Variants in RIPK1 observed in about 807,000 individuals in gnomAD.
The protein encoded by RIPK1 is receptor interacting serine/threonine kinase 1.
In RIPK1, 27 loss-of-function variants were observed where a neutral mutation model predicts 62.4. The observed-to-expected ratio is 0.43, with a 90% CI of 0.32 to 0.60. RIPK1 has a LOEUF of 0.60. Ranked by LOEUF, RIPK1 falls within the 20% of genes least tolerant of loss-of-function variation. The probability of loss-of-function intolerance (pLI) is 0.07; values close to 1 mark genes in which losing one functional copy is unlikely to be tolerated. For missense variants in RIPK1, 735 were observed against 831.0 expected (o/e 0.88, Z 1.42); for synonymous variants, 287 against 303.2 (o/e 0.95, Z 0.55).
intron 7 of RIPK1, among the ~76,000 whole-genome samples, chr6:3,099,028 A>C (rs1384173462): frequency 1.3e-5 from 2 of 152,248 alleles, no homozygotes; most frequent in Non-Finnish European, 2.9e-5. Context: ...ACAGGGCAGC[A>C]AATCCCTCCT....
upstream of RIPK1, among the ~76,000 whole-genome samples, chr6:3,066,029 TTTTTTA>T (rs1369016797): frequency 1.1e-4 from 16 of 151,514 alleles, no homozygotes; most frequent in Admixed American, 1.1e-3. Flanking sequence ...GAACGTGGAG[TTTTTTA>T]TTTTTTATTG....
In RIPK1 at chr6:3,084,617, CAG is replaced by C. The variant is rs952853959; in HGVS notation, c.689-639_689-638del. ...TTTTTTTTTTTTTTTTCCCGTGAGA[CAG>C]AGTCTCATTCTGTCGCCAGGTTGGA... On this transcript the variant is annotated intron_variant, in intron 5 of 10. Coordinates refer to ENST00000259808, the MANE Select transcript of RIPK1 (RefSeq NM_001354930.2). Among the ~76,000 whole-genome samples the C allele has an allele frequency of 8.7e-5, 12 of 138,176 alleles. 1 individual carries two copies. The highest frequency in any genetic ancestry group is 3.0e-4 in the African/African-American group (11 of 36,530). The allele number at this position is 138,176 out of a possible 152,430, so 90.6% of individuals were successfully genotyped here. A position where few individuals can be genotyped will look rare whatever the true frequency, so the allele number is the denominator to read the frequency against.
Position 3,113,150 on chromosome 6 carries a change from G to A in RIPK1, c.1827G>A (p.Gln609=), listed in dbSNP as rs1186324614. The change falls in exon 11 of 11, where the codon CAG becomes CAA. Residue 609 remains glutamine, a synonymous_variant. Transcript: ENST00000259808. The surrounding 1 kb of genome is among the most constrained non-coding windows in gnomAD (Gnocchi z 5.0). The part of the protein sequence containing the change: ...KNCARKLGFT[Q]SQIDEIDHDY... ...GTGCCCGTAAACTGGGCTTCACACA[G>A]TCTCAGATTGATGAAATTGACCATG... 3 of 1,613,936 alleles carry A rather than the reference G, an allele frequency of 1.9e-6. No homozygotes were observed. Among genetic ancestry groups the A allele is most frequent in the Non-Finnish European group, 2.5e-6 (3 of 1,179,962 alleles).
At chr6:3,085,773 C>T (rs1406821) in intron 6 of RIPK1, among the ~76,000 whole-genome samples, 123,558 of 151,920 alleles carry the variant, frequency 0.81, 53,347 homozygotes, top group Non-Finnish European at 0.96. Context: ...CTGGCAGCCC[C>T]TATCCTACTT....
chr6:3,081,752 C>G (rs1581393629), intron 4 of RIPK1, among the ~76,000 whole-genome samples: 1 of 151,240 alleles, frequency 6.6e-6, no homozygotes, highest in Non-Finnish European at 1.5e-5. Flanking sequence ...TCCAGCTACT[C>G]GGGAGGCTGG....
intron 1 of RIPK1, among the ~76,000 whole-genome samples, chr6:3,071,637 A>AT: frequency 6.6e-6 from 1 of 152,272 alleles, no homozygotes; most frequent in East Asian, 1.9e-4. Context: ...TTTCATGTGG[A>AT]AAAAAGAGGG....
At chr6:3,088,887 A>G (rs1759867220) in intron 6 of RIPK1, 1 of 151,438 alleles carries the variant, frequency 6.6e-6, no homozygotes, top group Non-Finnish European at 1.5e-5. Flanking sequence ...TTAGTTGGAG[A>G]TTTTTTTTTA....
chr6:3,076,185 T>C (rs981924464), intron 1 of RIPK1, among the ~76,000 whole-genome samples: 1 of 152,200 alleles, frequency 6.6e-6, no homozygotes, highest in African/African-American at 2.4e-5. Context: ...GTGTCCTTTA[T>C]AGCTGGAGGG....
intron 7 of RIPK1, among the ~76,000 whole-genome samples, chr6:3,100,741 C>T (rs950708414): frequency 5.3e-5 from 8 of 150,748 alleles, no homozygotes; most frequent in Admixed American, 2.6e-4. Context: ...CAGGCGTGTA[C>T]CACCACACCC....
At chr6:3,112,279 A>G (rs1227803848) in intron 10 of RIPK1, among the ~76,000 whole-genome samples, 5 of 152,174 alleles carry the variant, frequency 3.3e-5, no homozygotes, top group Non-Finnish European at 5.9e-5. Flanking sequence ...AAGTAAGAGG[A>G]AAGTGAACTG....
upstream of RIPK1, among the ~76,000 whole-genome samples, chr6:3,065,386 C>G (rs577354342): frequency 9.4e-5 from 14 of 149,042 alleles, no homozygotes; most frequent in South Asian, 2.7e-3. Flanking sequence ...CTTTGCGTGG[C>G]GTTTTGGGGA....
chr6:3,107,562 CAAAAAAAAAAAA>C (rs60843872), intron 9 of RIPK1, among the ~76,000 whole-genome samples: 2 of 46,322 alleles, frequency 4.3e-5, no homozygotes, highest in Non-Finnish European at 1.0e-4. Context: ...GAGACTGTCG[CAAAAAAAAAAAA>C]AAAAAAAAAA....
intron 9 of RIPK1, 77 bp downstream of exon 9, chr6:3,106,128 T>A: frequency 8.8e-7 from 1 of 1,134,526 alleles, no homozygotes; most frequent in Non-Finnish European, 1.3e-6. Context: ...AGCTCTATTA[T>A]AGATTGTGGG....
At chr6:3,096,732 T>TTC (rs1191594058) in intron 7 of RIPK1, among the ~76,000 whole-genome samples, 62 of 150,382 alleles carry the variant, frequency 4.1e-4, no homozygotes, top group African/African-American at 1.4e-3. Context: ...GCGAATTTTT[T>TTC]TTTTTTTTAA....
chr6:3,110,723 C>T, intron 9 of RIPK1, 80 bp from the exon 10 acceptor site: 1 of 854,386 alleles, frequency 1.2e-6, no homozygotes, highest in South Asian at 2.0e-5. Flanking sequence ...TGGCATAAAG[C>T]CCTGCTTTTT....
intron 10 of RIPK1, among the ~76,000 whole-genome samples, chr6:3,112,106 A>G (rs1190306160): frequency 6.6e-6 from 1 of 152,142 alleles, no homozygotes; most frequent in Admixed American, 6.5e-5. Flanking sequence ...GAGAGAGGTT[A>G]TGGCTATTGG....
intron 1 of RIPK1, 123 bp downstream of exon 1, chr6:3,068,784 G>A: frequency 2.0e-6 from 1 of 492,612 alleles, no homozygotes; most frequent in Non-Finnish European, 2.6e-6. Context: ...CCGCGGCGTC[G>A]GAGTAATCCC....
rs147744954 is a variant in RIPK1 at position 3,099,534 on chromosome 6, A to G, written c.916-4691A>G. Among the ~76,000 whole-genome samples, 797 of 152,326 alleles carry G rather than the reference A, an allele frequency of 5.2e-3. 5 individuals are homozygous for G. Among genetic ancestry groups the G allele is most frequent in the African/African-American group, 0.018 (730 of 41,564 alleles). ...ACTCCAGCCTGGGTGACAAAGTGAG[A>G]CTCCGTCTCAAAAAAACAAACAAAA... On this transcript the variant is annotated intron_variant, in intron 7 of 10. Coordinates refer to ENST00000259808, the MANE Select transcript of RIPK1 (RefSeq NM_001354930.2).
At chr6:3,075,870 C>T (rs1202592863) in intron 1 of RIPK1, among the ~76,000 whole-genome samples, 3 of 150,764 alleles carry the variant, frequency 2.0e-5, no homozygotes, top group African/African-American at 7.3e-5. Flanking sequence ...ACCTTGTGCC[C>T]AGTCCAAGAC....
Sources: allele counts gnomAD v4.1 joint callset (sites outside exome capture counted in the v4.1 genomes callset), GRCh38; gene constraint gnomAD v4.1.1; non-coding constraint Gnocchi (gnomAD v3.1); transcripts MANE v1.5; gene names NCBI Gene and HGNC (gene_info 2026-07-23, HGNC 2026-07-21).